Variants in SLC35A1 observed in about 807,000 individuals in gnomAD.
SLC35A1 encodes CMP-sialic acid transporter.
A neutral mutation model predicts 40.3 loss-of-function variants in SLC35A1; 21 were observed. That is an observed-to-expected ratio of 0.52 (90% CI 0.37 to 0.75). SLC35A1 has a LOEUF of 0.75. Among genes scored for constraint, SLC35A1 ranks in the 30% least tolerant of loss-of-function variants. SLC35A1 has a pLI of 0.00. For synonymous variants in SLC35A1, 146 were observed against 147.3 expected (o/e 0.99, Z 0.06); for missense variants, 297 against 382.1 (o/e 0.78, Z 1.86).
chr6:87,500,751 T>C, intron 3 of SLC35A1, 84 bp downstream of exon 3: 2 of 863,110 alleles, frequency 2.3e-6, no homozygotes, highest in Non-Finnish European at 3.1e-6. Context: ...TATTATCAAT[T>C]TTTTTTTTTT....
intron 2 of SLC35A1, among the ~76,000 whole-genome samples, chr6:87,494,565 G>A (rs1769661028): frequency 1.3e-5 from 2 of 151,904 alleles, no homozygotes; most frequent in South Asian, 4.2e-4. Flanking sequence ...TGGGACTACA[G>A]GTGCCTGCCA....
At chr6:87,486,163 C>G (rs1295043982) in intron 2 of SLC35A1, among the ~76,000 whole-genome samples, 3 of 152,082 alleles carry the variant, frequency 2.0e-5, no homozygotes, top group African/African-American at 7.2e-5. Context: ...GCTGTTTGCT[C>G]AGTAATGTTC....
intron 3 of SLC35A1, among the ~76,000 whole-genome samples, 189 bp from the exon 4 acceptor site, chr6:87,500,969 G>C (rs1337769309): frequency 1.3e-5 from 2 of 151,958 alleles, no homozygotes; most frequent in Admixed American, 1.3e-4. Flanking sequence ...TGATGGTCTT[G>C]ATCTCCAGAC....
chr6:87,480,472 C>G (rs1226736819), intron 2 of SLC35A1, among the ~76,000 whole-genome samples: 1 of 152,216 alleles, frequency 6.6e-6, no homozygotes, highest in East Asian at 1.9e-4. Flanking sequence ...CAGGCATTTA[C>G]ATCTTTATAC....
intron 1 of SLC35A1, among the ~76,000 whole-genome samples, chr6:87,474,852 T>C (rs1233917379): frequency 6.6e-6 from 1 of 152,222 alleles, no homozygotes; most frequent in Non-Finnish European, 1.5e-5. Flanking sequence ...TATTCCCATA[T>C]ACTCACTATG....
intron 1 of SLC35A1, among the ~76,000 whole-genome samples, chr6:87,473,318 C>G (rs535842535): frequency 6.6e-6 from 1 of 152,274 alleles, no homozygotes; most frequent in African/African-American, 2.4e-5. Flanking sequence ...GGGGCTGCGG[C>G]GGACCCGGAG....
chr6:87,489,185 G>T (rs991910193), intron 2 of SLC35A1, among the ~76,000 whole-genome samples: 2 of 152,190 alleles, frequency 1.3e-5, no homozygotes, highest in African/African-American at 4.8e-5. Context: ...GCTGTGGCTT[G>T]GATGTGATTT....
At position 87,511,809 on chromosome 6, in the gene SLC35A1, TGTTAAAAAA is replaced by T. The variant is rs1419892211; in HGVS notation, c.*284_*292del. ...AATAAAAAGTATGGAGATGATACGGTGTTAAAAAAAATCATGGTAAGGCTACAATACTCA... is the reference window on the plus strand; with the variant it reads ...AATAAAAAGTATGGAGATGATACGGTAATCATGGTAAGGCTACAATACTCA... On this transcript the variant is annotated 3_prime_UTR_variant, in exon 8 of 8. Coordinates refer to ENST00000369552, the MANE Select transcript of SLC35A1 (RefSeq NM_006416.5). 2 of 402,752 alleles carry T rather than the reference TGTTAAAAAA, an allele frequency of 5.0e-6. No homozygotes were observed. The highest frequency in any genetic ancestry group is 9.3e-6 in the Non-Finnish European group (2 of 214,420). 24.9% of individuals were successfully genotyped at this position (402,752 alleles called of 1,614,324 possible).
At position 87,472,988 on chromosome 6, in the gene SLC35A1, G is replaced by A. The variant is rs1331459382; in HGVS notation, c.-16G>A. On this transcript the variant is annotated 5_prime_UTR_variant, in exon 1 of 8. Transcript: ENST00000369552. ...AGGGGGCGGGCGTCAGTTCCGCGGG[G>A]GGCTGTCGGGGAACCATGGCTGCCC... 6.0e-6 allele frequency: 4 copies of A among 665,826 alleles called. No homozygotes were observed. Among genetic ancestry groups the A allele is most frequent in the East Asian group, 6.7e-5 (2 of 29,718 alleles). The allele number at this position is 665,826 out of a possible 1,614,324, so 41.2% of individuals were successfully genotyped here. A position where few individuals can be genotyped will look rare whatever the true frequency, so the allele number is the denominator to read the frequency against.
At chr6:87,500,746 T>C in intron 3 of SLC35A1, 79 bp downstream of exon 3, 2 of 1,375,168 alleles carry the variant, frequency 1.5e-6, no homozygotes, top group African/African-American at 1.5e-5. Flanking sequence ...TATCATATTA[T>C]CAATTTTTTT....
chr6:87,484,670 G>A (rs1182316016), intron 2 of SLC35A1, among the ~76,000 whole-genome samples: 1 of 124,828 alleles, frequency 8.0e-6, no homozygotes, highest in Non-Finnish European at 1.7e-5. Flanking sequence ...AATGAATCAG[G>A]GTGGAGCAGG....
chr6:87,510,055 C>G (rs185339006), intron 7 of SLC35A1, among the ~76,000 whole-genome samples: 32 of 152,254 alleles, frequency 2.1e-4, no homozygotes, highest in Non-Finnish European at 3.8e-4. Flanking sequence ...GCAAATCTTG[C>G]CTGTACCATT....
chr6:87,494,049 G>A (rs1769640233), intron 2 of SLC35A1, among the ~76,000 whole-genome samples: 1 of 150,608 alleles, frequency 6.6e-6, no homozygotes, highest in South Asian at 2.1e-4. Context: ...GGCCTTGTGT[G>A]TGATGTACAC....
At chr6:87,504,084 G>A (rs1770003627) in intron 4 of SLC35A1, among the ~76,000 whole-genome samples, 1 of 152,066 alleles carries the variant, frequency 6.6e-6, no homozygotes, top group Admixed American at 6.6e-5. Flanking sequence ...GAGCCCAGGA[G>A]TTCAAGACCA....
At chr6:87,481,150 T>A (rs529659722) in intron 2 of SLC35A1, among the ~76,000 whole-genome samples, 1 of 152,296 alleles carries the variant, frequency 6.6e-6, no homozygotes, top group Non-Finnish European at 1.5e-5. Context: ...GCGCGGTGGC[T>A]CATGCCTGTA....
intron 2 of SLC35A1, among the ~76,000 whole-genome samples, chr6:87,494,673 C>T (rs1769665797): frequency 6.6e-6 from 1 of 152,148 alleles, no homozygotes; most frequent in Admixed American, 6.5e-5. Context: ...GATCCGCCTG[C>T]CTCAGCCTCC....
intron 2 of SLC35A1, among the ~76,000 whole-genome samples, chr6:87,495,030 C>T (rs1439561987): frequency 4.0e-5 from 6 of 151,796 alleles, no homozygotes; most frequent in Admixed American, 2.0e-4. Flanking sequence ...AGTGCAGTAG[C>T]GTGATCTTGA....
At chr6:87,500,219 A>G (rs1004123936) in intron 2 of SLC35A1, among the ~76,000 whole-genome samples, 1 of 152,222 alleles carries the variant, frequency 6.6e-6, no homozygotes, top group African/African-American at 2.4e-5. Flanking sequence ...GGTAATATCA[A>G]CAGTTTTCCT....
chr6:87,489,768 C>T (rs1260925219), intron 2 of SLC35A1, among the ~76,000 whole-genome samples: 1 of 151,620 alleles, frequency 6.6e-6, no homozygotes, highest in African/African-American at 2.4e-5. Flanking sequence ...TCTTGAACTC[C>T]TGACCTTGTG....
Sources: gnomAD v4.1 joint callset for allele counts (sites outside exome capture counted in the v4.1 genomes callset) on GRCh38, gnomAD v4.1.1 for gene constraint, MANE v1.5 for transcripts, NCBI Gene and HGNC (gene_info 2026-07-23, HGNC 2026-07-21) for gene names.